The following CHRM3 variants were observed in gnomAD, a reference collection of about 807,000 sequenced individuals.
The protein encoded by CHRM3 is muscarinic acetylcholine receptor M3.
In CHRM3, 11 loss-of-function variants were observed where a neutral mutation model predicts 41.8. The observed-to-expected ratio is 0.26, with a 90% CI of 0.17 to 0.44. The LOEUF is 0.44. Ranked by LOEUF, CHRM3 falls within the 20% of genes least tolerant of loss-of-function variation. The pLI is 1.00. For missense variants in CHRM3, 571 were observed against 745.4 expected (o/e 0.77, Z 2.72); for synonymous variants, 297 against 301.4 (o/e 0.99, Z 0.15).
chr1:239,633,776 G>A (rs1454481653), intron 4 of CHRM3, among the ~76,000 whole-genome samples: 1 of 150,938 alleles, frequency 6.6e-6, no homozygotes, highest in African/African-American at 2.4e-5. Flanking sequence ...GGATACTGGA[G>A]CAGGAAGATA....
In CHRM3 at chr1:239,688,636, T is replaced by G. The variant is rs58574752; in HGVS notation, c.-147+10348T>G. Among the ~76,000 whole-genome samples, 1,319 of 133,174 alleles carry G rather than the reference T, an allele frequency of 9.9e-3. 27 individuals carry two copies. The highest frequency in any genetic ancestry group is 0.036 in the African/African-American group (1,261 of 35,274). 87.4% of individuals were successfully genotyped at this position (133,174 alleles called of 152,430 possible). On this transcript the variant is annotated intron_variant, in intron 5 of 6. Coordinates refer to ENST00000676153, the MANE Select transcript of CHRM3 (RefSeq NM_001375978.1). ...ATATATTACTCAGTATAATACATAA[T>G]ATATATAATATATTACTCGGTATAA...
intron 5 of CHRM3, among the ~76,000 whole-genome samples, chr1:239,753,509 A>G (rs942379095): frequency 6.6e-6 from 1 of 152,138 alleles, no homozygotes; most frequent in Non-Finnish European, 1.5e-5. Flanking sequence ...ATCGCCACAC[A>G]CTTTATGAGC....
At chr1:239,820,898 G>A (rs1671988222) in intron 5 of CHRM3, among the ~76,000 whole-genome samples, 2 of 152,134 alleles carry the variant, frequency 1.3e-5, no homozygotes, top group African/African-American at 4.8e-5. Flanking sequence ...TTTAAAAAAT[G>A]TTAGTATTTA....
chr1:239,749,675 A>AT (rs1665652788), intron 5 of CHRM3, among the ~76,000 whole-genome samples: 1 of 152,172 alleles, frequency 6.6e-6, no homozygotes, highest in Non-Finnish European at 1.5e-5. Flanking sequence ...CTCAAAAAAA[A>AT]TGAAGTGTGA....
chr1:239,602,139 T>TATATATAA (rs1665672826), intron 3 of CHRM3, among the ~76,000 whole-genome samples: 1 of 145,554 alleles, frequency 6.9e-6, no homozygotes, highest in Non-Finnish European at 1.5e-5. Flanking sequence ...TATATATATA[T>TATATATAA]AATTTTGTTT....
At chr1:239,598,602 C>G (rs757322057) in intron 3 of CHRM3, among the ~76,000 whole-genome samples, 11 of 151,960 alleles carry the variant, frequency 7.2e-5, no homozygotes, top group Non-Finnish European at 4.4e-5. Context: ...AAAACGAGTC[C>G]CAGATAGCTC....
chr1:239,761,435 A>G (rs1292105566), intron 5 of CHRM3, among the ~76,000 whole-genome samples: 1 of 152,056 alleles, frequency 6.6e-6, no homozygotes, highest in Non-Finnish European at 1.5e-5. Context: ...ATGTCTAAGG[A>G]TTCTTTTATT....
At chr1:239,461,256 C>T (rs1665337904) in intron 1 of CHRM3, among the ~76,000 whole-genome samples, 2 of 152,086 alleles carry the variant, frequency 1.3e-5, no homozygotes, top group African/African-American at 2.4e-5. Context: ...ATTAAATGCG[C>T]TTTTTCCCCT....
chr1:239,404,472 G>GAAAAAA (rs1660407511), intron 1 of CHRM3, among the ~76,000 whole-genome samples: 1 of 140,672 alleles, frequency 7.1e-6, no homozygotes, highest in African/African-American at 2.8e-5. Context: ...GAAAGAAAAA[G>GAAAAAA]AAAGAAAGAA....
intron 5 of CHRM3, among the ~76,000 whole-genome samples, chr1:239,693,551 G>A (rs868523473): frequency 4.6e-5 from 7 of 152,052 alleles, no homozygotes; most frequent in South Asian, 2.1e-4. Context: ...CAGCCCAAGC[G>A]GACTAATATT....
chr1:239,488,916 G>A (rs1048418304), intron 1 of CHRM3, among the ~76,000 whole-genome samples: 2 of 152,014 alleles, frequency 1.3e-5, no homozygotes, highest in African/African-American at 4.8e-5. Flanking sequence ...AGAAACTAAT[G>A]TCAGTAGTTA....
In CHRM3 at chr1:239,416,823, T is replaced by C. The variant is rs150419122; in HGVS notation, c.-521+29596T>C. On this transcript the variant is annotated intron_variant, in intron 1 of 6. Transcript: ENST00000676153. ...GCTACCTCAACCCTCTCAATAAGTA[T>C]GAGGATGGATAGAAAAGGAAGATAA... Among the ~76,000 whole-genome samples, 65 of 152,196 alleles carry C rather than the reference T, an allele frequency of 4.3e-4. 1 individual carries two copies. The highest frequency in any genetic ancestry group is 1.5e-3 in the African/African-American group (61 of 41,514).
chr1:239,424,957 T>A lies in CHRM3; in HGVS notation c.-521+37730T>A, dbSNP rs141979696. ...TCCCATTGGCATTTTGCAAAGCTCA[T>A]GCTGGGTGCAGAGTGGGTAATGCAT... On this transcript the variant is annotated intron_variant, in intron 1 of 6. Transcript: ENST00000676153. Among the ~76,000 whole-genome samples, 29 of 152,310 alleles carry A rather than the reference T, an allele frequency of 1.9e-4. 1 individual carries two copies. The highest frequency in any genetic ancestry group is 6.7e-4 in the African/African-American group (28 of 41,582).
chr1:239,451,857 A>G (rs1328976203), intron 1 of CHRM3, among the ~76,000 whole-genome samples: 1 of 152,144 alleles, frequency 6.6e-6, no homozygotes, highest in African/African-American at 2.4e-5. Context: ...TTAAAATGGA[A>G]TACTCTATTT....
chr1:239,823,901 C>T (rs1330843782), intron 5 of CHRM3, among the ~76,000 whole-genome samples: 3 of 152,076 alleles, frequency 2.0e-5, no homozygotes, highest in African/African-American at 7.2e-5. Context: ...GTCAAGGAAA[C>T]TATAACTGTG....
chr1:239,766,680 TATAGATATAG>T (rs1246213994), intron 5 of CHRM3, among the ~76,000 whole-genome samples: 33 of 37,860 alleles, frequency 8.7e-4, no homozygotes, highest in African/African-American at 1.3e-3. Context: ...GATATATAGA[TATAGATATAG>T]ATATAGATAT....
intron 5 of CHRM3, among the ~76,000 whole-genome samples, chr1:239,809,295 C>G (rs933457687): frequency 1.3e-5 from 2 of 152,092 alleles, no homozygotes; most frequent in African/African-American, 4.8e-5. Context: ...GCTGGGATTA[C>G]AGGCGTGAGC....
intron 3 of CHRM3, among the ~76,000 whole-genome samples, chr1:239,570,754 A>C (rs1420731009): frequency 1.3e-5 from 2 of 152,146 alleles, no homozygotes; most frequent in Non-Finnish European, 2.9e-5. Context: ...AGGGAGTTTA[A>C]TGTTAAACTC....
chr1:239,870,918 G>A (rs1409445001), intron 6 of CHRM3, among the ~76,000 whole-genome samples: 1 of 152,030 alleles, frequency 6.6e-6, no homozygotes, highest in Non-Finnish European at 1.5e-5. Flanking sequence ...AACTAGCAGG[G>A]ATTAAAAAAA....
Sources: gnomAD v4.1 joint callset for allele counts (sites outside exome capture counted in the v4.1 genomes callset) on GRCh38, gnomAD v4.1.1 for gene constraint, MANE v1.5 for transcripts, NCBI Gene and HGNC (gene_info 2026-07-23, HGNC 2026-07-21) for gene names.